WWOX: variants seen among roughly 807,000 people sequenced by gnomAD.
WWOX encodes WW domain containing oxidoreductase.
A neutral mutation model predicts 46.2 loss-of-function variants in WWOX; 69 were observed. That is an observed-to-expected ratio of 1.49 (90% CI 1.23 to 1.82). The LOEUF is 1.82. WWOX is among the 40% of genes most tolerant of loss of function. WWOX has a pLI of 0.00. For synonymous variants in WWOX, 359 were observed against 202.6 expected, an observed-to-expected ratio of 1.77 and a Z score of -6.56; for missense variants, 919 against 542.6, an observed-to-expected ratio of 1.69 and a Z score of -6.89.
chr16:78,508,492 C>T (rs1428129835), intron 8 of WWOX, among the ~76,000 whole-genome samples: 2 of 152,102 alleles, frequency 1.3e-5, no homozygotes, highest in African/African-American at 2.4e-5. Flanking sequence ...AATTGCTCTG[C>T]AGAACAGGGT....
At chr16:78,435,272 T>C (rs8051477) in intron 8 of WWOX, among the ~76,000 whole-genome samples, 36,009 of 151,966 alleles carry the variant, frequency 0.24, 5,971 homozygotes, top group African/African-American at 0.45. Flanking sequence ...GTCTTAGTAA[T>C]AGCAGATGCC....
At chr16:78,921,982 A>G (rs537759691) in intron 8 of WWOX, among the ~76,000 whole-genome samples, 2 of 152,362 alleles carry the variant, frequency 1.3e-5, no homozygotes, top group African/African-American at 4.8e-5. Flanking sequence ...GACAAGTACC[A>G]GATGTGAAGC....
chr16:78,110,308 C>G (rs1369557887), intron 3 of WWOX, among the ~76,000 whole-genome samples: 2 of 144,956 alleles, frequency 1.4e-5, no homozygotes, highest in Non-Finnish European at 3.0e-5. Context: ...CCACTGCACT[C>G]CAGCCTGGGT....
intron 8 of WWOX, among the ~76,000 whole-genome samples, chr16:78,491,147 C>G (rs2084775991): frequency 6.6e-6 from 1 of 152,162 alleles, no homozygotes. Context: ...GCAAAAGGCT[C>G]TCCATCCTTC....
intron 6 of WWOX, among the ~76,000 whole-genome samples, chr16:78,398,748 C>G (rs924764844): frequency 6.6e-6 from 1 of 152,170 alleles, no homozygotes; most frequent in Admixed American, 6.6e-5. Flanking sequence ...CTTTCTAATT[C>G]TTAATTTCAT....
At chr16:79,164,789 C>T (rs1286716735) in intron 8 of WWOX, among the ~76,000 whole-genome samples, 2 of 152,094 alleles carry the variant, frequency 1.3e-5, no homozygotes, top group Non-Finnish European at 2.9e-5. Context: ...GTGACAGAGG[C>T]AAGGAGACAA....
intron 5 of WWOX, among the ~76,000 whole-genome samples, chr16:78,171,621 C>G (rs905668478): frequency 6.6e-6 from 1 of 152,010 alleles, no homozygotes; most frequent in African/African-American, 2.4e-5. Flanking sequence ...TGTAGCTAAA[C>G]AAAAAGATAA....
chr16:78,558,593 C>T (rs977747394), intron 8 of WWOX, among the ~76,000 whole-genome samples: 1 of 152,284 alleles, frequency 6.6e-6, no homozygotes, highest in Admixed American at 6.5e-5. Context: ...GCCTCCTAGG[C>T]ATTGGAGATT....
chr16:78,141,331 C>A (rs2033977705), intron 4 of WWOX, among the ~76,000 whole-genome samples: 2 of 151,794 alleles, frequency 1.3e-5, no homozygotes, highest in Non-Finnish European at 1.5e-5. Flanking sequence ...GTATACAACA[C>A]TTCTGTTTAT....
intron 8 of WWOX, among the ~76,000 whole-genome samples, chr16:78,718,348 T>A (rs574028079): frequency 2.8e-4 from 43 of 151,702 alleles, no homozygotes; most frequent in Admixed American, 9.9e-4. Context: ...CAAAAAAATT[T>A]AAAAAAACGA....
chr16:78,969,959 C>T (rs3933092), intron 8 of WWOX, among the ~76,000 whole-genome samples: 1 of 152,126 alleles, frequency 6.6e-6, no homozygotes, highest in South Asian at 2.1e-4. Context: ...TTTGATTGTA[C>T]TAAAACTTTG....
chr16:79,074,610 G>C (rs755390798), intron 8 of WWOX, among the ~76,000 whole-genome samples: 6 of 151,340 alleles, frequency 4.0e-5, no homozygotes, highest in Non-Finnish European at 5.9e-5. Flanking sequence ...TTATAAGCTA[G>C]GAATACTAAG....
chr16:78,644,652 G>A (rs900711702), intron 8 of WWOX, among the ~76,000 whole-genome samples: 2 of 152,078 alleles, frequency 1.3e-5, no homozygotes, highest in African/African-American at 4.8e-5. Flanking sequence ...TAGTAGAGAT[G>A]GGGTTGCACC....
chr16:78,160,252 C>T (rs72804956), intron 4 of WWOX, among the ~76,000 whole-genome samples: 20,305 of 151,712 alleles, frequency 0.13, 1,552 homozygotes, highest in South Asian at 0.19. Flanking sequence ...GCATGATCAT[C>T]CTCCTGAGTA....
chr16:78,424,504 G>A (rs576893559), intron 6 of WWOX, among the ~76,000 whole-genome samples: 23 of 152,302 alleles, frequency 1.5e-4, no homozygotes, highest in African/African-American at 5.1e-4. Flanking sequence ...GACAAAGTGA[G>A]ACTTGGATGA....
At chr16:79,026,080 C>G (rs965753804) in intron 8 of WWOX, among the ~76,000 whole-genome samples, 1 of 151,568 alleles carries the variant, frequency 6.6e-6, no homozygotes, top group Non-Finnish European at 1.5e-5. Context: ...GGATTACAGG[C>G]ATGAGTCCCC....
chr16:78,178,775 A>G (rs920559554), intron 5 of WWOX, among the ~76,000 whole-genome samples: 2 of 152,038 alleles, frequency 1.3e-5, no homozygotes, highest in East Asian at 3.9e-4. Context: ...GAGGCAGGAG[A>G]ATCCCTTGAA....
chr16:78,649,744 A>G (rs887241176), intron 8 of WWOX, among the ~76,000 whole-genome samples: 7 of 152,230 alleles, frequency 4.6e-5, no homozygotes, highest in African/African-American at 1.7e-4. Flanking sequence ...TCTACAGTGT[A>G]TAACTTGGGT....
In WWOX at chr16:78,109,782, G is replaced by A. The variant is rs771850922; in HGVS notation, c.177G>A (p.Leu59=). ...CCTGTCTTTCTTGTGTTTCAGATTTGCCATACGGATGGGAACAAGAAACTG... is the reference window on the plus strand; with the variant it reads ...CCTGTCTTTCTTGTGTTTCAGATTTACCATACGGATGGGAACAAGAAACTG... The part of the protein sequence containing the change: ...TGKRKRVAGD[L]PYGWEQETDE... The change falls in exon 3 of 9, where the codon TTG becomes TTA. Residue 59 remains leucine (L), a synonymous_variant. Transcript: ENST00000566780. The A allele has an allele frequency of 6.2e-6, 10 of 1,614,114 alleles. No homozygotes were observed. In the South Asian group the frequency reaches 1.1e-4, roughly 18 times the overall value.
Sources: gnomAD v4.1 joint callset for allele counts (sites outside exome capture counted in the v4.1 genomes callset) on GRCh38, gnomAD v4.1.1 for gene constraint, MANE v1.5 for transcripts, NCBI Gene and HGNC (gene_info 2026-07-23, HGNC 2026-07-21) for gene names.